MAF: variants seen among roughly 807,000 people sequenced by gnomAD.
MAF encodes the protein MAF bZIP transcription factor.
Under a neutral mutation model 22.0 loss-of-function variants are expected in MAF, and 10 were observed. The ratio of observed to expected loss-of-function variants is 0.45; its 90% CI spans 0.28 to 0.77. MAF has a LOEUF of 0.77. Among genes scored for constraint, MAF ranks in the 30% least tolerant of loss-of-function variants. MAF has a pLI of 0.12. For missense variants in MAF, 544 were observed against 548.4 expected (o/e 0.99, Z 0.08); for synonymous variants, 337 against 255.8 (o/e 1.32, Z -3.03).
chr16:79,372,503 T>A, the MAF span, among the ~76,000 whole-genome samples: 2 of 152,182 alleles, frequency 1.3e-5, no homozygotes. Context: ...ACAGTTTTCT[T>A]GCAACTGCTG....
the MAF span, among the ~76,000 whole-genome samples, chr16:79,315,177 G>C: frequency 2.6e-5 from 4 of 152,126 alleles, no homozygotes; most frequent in African/African-American, 9.7e-5. Context: ...ATAGGAGTGA[G>C]CAAATATCAT....
chr16:79,506,355 G>A, the MAF span, among the ~76,000 whole-genome samples: 6 of 152,070 alleles, frequency 3.9e-5, no homozygotes, highest in African/African-American at 1.4e-4. Flanking sequence ...TTATTTCCTG[G>A]GGGAAGGACT....
At chr16:79,445,371 C>T in the MAF span, among the ~76,000 whole-genome samples, 5 of 152,142 alleles carry the variant, frequency 3.3e-5, no homozygotes, top group African/African-American at 1.2e-4. Context: ...TGTATCAGTT[C>T]CCGGGAGAAG....
chr16:79,525,545 AAG>A, the MAF span, among the ~76,000 whole-genome samples: 1 of 152,196 alleles, frequency 6.6e-6, no homozygotes, highest in South Asian at 2.1e-4. Flanking sequence ...AGAGAGGAAA[AAG>A]AGTAAGCCAT....
At chr16:79,540,698 T>G in the MAF span, among the ~76,000 whole-genome samples, 1 of 152,186 alleles carries the variant, frequency 6.6e-6, no homozygotes, top group Non-Finnish European at 1.5e-5. Context: ...AGGTTGACAA[T>G]GTAGATCGAA....
chr16:79,387,434 A>G, the MAF span, among the ~76,000 whole-genome samples: 1 of 152,230 alleles, frequency 6.6e-6, no homozygotes, highest in East Asian at 1.9e-4. Flanking sequence ...GAGAAAAACA[A>G]AAACCACCAG....
At chr16:79,240,259 G>T in the MAF span, among the ~76,000 whole-genome samples, 1 of 151,498 alleles carries the variant, frequency 6.6e-6, no homozygotes, top group African/African-American at 2.4e-5. Context: ...AAAAAAATTG[G>T]AAGACATGGT....
the MAF span, among the ~76,000 whole-genome samples, chr16:79,513,715 G>A: frequency 6.6e-6 from 1 of 152,158 alleles, no homozygotes; most frequent in African/African-American, 2.4e-5. Context: ...TCATGAGCCT[G>A]CTGTGGGAAA....
the MAF span, among the ~76,000 whole-genome samples, chr16:79,216,373 A>G: frequency 6.6e-6 from 1 of 152,024 alleles, no homozygotes; most frequent in East Asian, 1.9e-4. Flanking sequence ...ATATTCACAT[A>G]TATGTATACA....
At chr16:79,569,931 A>T in the MAF span, among the ~76,000 whole-genome samples, 1 of 151,452 alleles carries the variant, frequency 6.6e-6, no homozygotes, top group East Asian at 2.0e-4. Flanking sequence ...TCCGGGAGGG[A>T]TGCAGCAAAG....
the MAF span, among the ~76,000 whole-genome samples, chr16:79,348,139 T>A: frequency 2.6e-5 from 4 of 152,250 alleles, no homozygotes; most frequent in African/African-American, 9.6e-5. Context: ...TGACTCCCCC[T>A]TTGGATGGCC....
At chr16:79,400,672 A>G in the MAF span, among the ~76,000 whole-genome samples, 1 of 152,166 alleles carries the variant, frequency 6.6e-6, no homozygotes, top group Non-Finnish European at 1.5e-5. Flanking sequence ...ATTCCAGACC[A>G]CTCTGCAAAG....
the MAF span, among the ~76,000 whole-genome samples, chr16:79,260,873 G>T: frequency 6.6e-6 from 1 of 152,174 alleles, no homozygotes; most frequent in East Asian, 1.9e-4. Context: ...AAAACTATTT[G>T]TATAGCAAAG....
the MAF span, among the ~76,000 whole-genome samples, chr16:79,228,616 C>T: frequency 2.6e-5 from 4 of 152,076 alleles, no homozygotes; most frequent in Non-Finnish European, 5.9e-5. Context: ...TGGTTGGCAC[C>T]TTTGATCATA....
chr16:79,539,781 G>A, the MAF span, among the ~76,000 whole-genome samples: 1 of 152,206 alleles, frequency 6.6e-6, no homozygotes, highest in South Asian at 2.1e-4. Context: ...AAAAATGCAA[G>A]ATGCATGCCT....
chr16:79,475,633 G>C, the MAF span, among the ~76,000 whole-genome samples: 15 of 152,248 alleles, frequency 9.9e-5, no homozygotes, highest in African/African-American at 3.6e-4. Context: ...ATTCATAAGG[G>C]TGTGGGTTAT....
the MAF span, among the ~76,000 whole-genome samples, chr16:79,378,199 T>G: frequency 6.6e-6 from 1 of 152,162 alleles, no homozygotes; most frequent in Non-Finnish European, 1.5e-5. Context: ...CAAGAACATT[T>G]GCAGCAGTAC....
At chr16:79,535,128 T>TCTGA in the MAF span, among the ~76,000 whole-genome samples, 1 of 151,674 alleles carries the variant, frequency 6.6e-6, no homozygotes, top group Non-Finnish European at 1.5e-5. Flanking sequence ...AAGGTGAAGC[T>TCTGA]CTCTAACGAA....
At chr16:79,477,508 G>C in the MAF span, among the ~76,000 whole-genome samples, 1 of 152,146 alleles carries the variant, frequency 6.6e-6, no homozygotes, top group Admixed American at 6.5e-5. Context: ...TTCACAGTAG[G>C]AGAGGAACTA....
Sources: gnomAD v4.1 joint callset for allele counts (sites outside exome capture counted in the v4.1 genomes callset) on GRCh38, gnomAD v4.1.1 for gene constraint, MANE v1.5 for transcripts, NCBI Gene and HGNC (gene_info 2026-07-23, HGNC 2026-07-21) for gene names.